The following CXCR2 variants were observed in gnomAD, a reference collection of about 807,000 sequenced individuals.
The protein encoded by CXCR2 is C-X-C motif chemokine receptor 2.
Under a neutral mutation model 3.7 loss-of-function variants are expected in CXCR2, and 2 were observed. The ratio of observed to expected loss-of-function variants is 0.55; its 90% CI spans 0.22 to 1.72. The LOEUF is 1.72. Among genes scored for constraint, CXCR2 ranks in the 40% most tolerant of loss-of-function variants. The pLI, the probability that CXCR2 is intolerant of heterozygous loss-of-function variation, is 0.19. For synonymous variants in CXCR2, 203 were observed against 193.3 expected, an observed-to-expected ratio of 1.05 and a Z score of -0.41; for missense variants, 351 against 450.1, an observed-to-expected ratio of 0.78 and a Z score of 1.99.
intron 2 of CXCR2, among the ~76,000 whole-genome samples, chr2:218,133,518 T>C (rs1330893705): frequency 6.6e-6 from 1 of 152,052 alleles, no homozygotes; most frequent in Non-Finnish European, 1.5e-5. Flanking sequence ...CAGGCTGCTC[T>C]CAAACTCCTG....
At chr2:218,128,214 T>C (rs1388539704) in intron 1 of CXCR2, among the ~76,000 whole-genome samples, 2 of 152,206 alleles carry the variant, frequency 1.3e-5, no homozygotes, top group Non-Finnish European at 2.9e-5. Flanking sequence ...TCTCTCCATA[T>C]GTAATAAGCC....
chr2:218,133,353 G>A (rs1690697801), intron 2 of CXCR2, among the ~76,000 whole-genome samples: 1 of 142,508 alleles, frequency 7.0e-6, no homozygotes. Context: ...AGGCTGGAGT[G>A]CAGTGATGTG....
chr2:218,127,402 C>G (rs1690537479), intron 1 of CXCR2, among the ~76,000 whole-genome samples: 1 of 152,216 alleles, frequency 6.6e-6, no homozygotes, highest in African/African-American at 2.4e-5. Context: ...GCTGGGATTA[C>G]AGGCATGAGC....
intron 2 of CXCR2, among the ~76,000 whole-genome samples, chr2:218,130,681 G>A (rs77958265): frequency 6.6e-6 from 1 of 152,292 alleles, no homozygotes; most frequent in East Asian, 1.9e-4. Flanking sequence ...AATGAGCCAT[G>A]GAGATCATGT....
intron 1 of CXCR2, among the ~76,000 whole-genome samples, chr2:218,127,140 T>C (rs534982922): frequency 6.6e-6 from 1 of 152,308 alleles, no homozygotes; most frequent in South Asian, 2.1e-4. Context: ...GTTTTGTTTT[T>C]GTTTGAGACA....
rs1334969477 is a variant in CXCR2, at chr2:218,136,645, G to A, written c.*761G>A. 6.0e-6 allele frequency: 1 copy of A among 166,962 alleles called. No homozygotes were observed. Among genetic ancestry groups the A allele is most frequent in the East Asian group, 1.9e-4 (1 of 5,198 alleles). 10.3% of individuals were successfully genotyped at this position (166,962 alleles called of 1,614,324 possible). ...CCATATTTGTACACCAATATTCATAGCAGCTTATTCACAAGACCCAAAAGG... is the reference window on the plus strand; with the variant it reads ...CCATATTTGTACACCAATATTCATAACAGCTTATTCACAAGACCCAAAAGG... On this transcript the variant is annotated 3_prime_UTR_variant, in exon 3 of 3. Coordinates refer to ENST00000318507, the MANE Select transcript of CXCR2 (RefSeq NM_001557.4).
rs375690914 is a variant in CXCR2 at position 218,135,257 on chromosome 2, A to G, written c.456A>G (p.Thr152=). ...VDRYLAIVHA[T]RTLTQKRYLV... The stretch of plus-strand genomic sequence containing the variant: ...GTTACCTGGCCATTGTCCATGCCAC[A>G]CGCACACTGACCCAGAAGCGCTACT... Residue 152 remains threonine (T), a synonymous_variant, in exon 3 of 3, where the codon ACA becomes ACG. Coordinates refer to ENST00000318507, the MANE Select transcript of CXCR2 (RefSeq NM_001557.4). The surrounding 1 kb of genome is among the most constrained non-coding windows in gnomAD (Gnocchi z 4.0). The G allele has an allele frequency of 3.1e-6, 5 of 1,614,066 alleles. No homozygotes were observed. Among genetic ancestry groups the G allele is most frequent in the Non-Finnish European group, 4.2e-6 (5 of 1,180,034 alleles).
upstream of CXCR2, chr2:218,125,377 TCA>T (rs1475332205): frequency 6.6e-6 from 1 of 152,204 alleles, no homozygotes; most frequent in Non-Finnish European, 1.5e-5. Context: ...TTTGCCTGTC[TCA>T]CAGAGTAGGC....
At position 218,135,332 on chromosome 2, in the gene CXCR2, C is replaced by A. The variant is rs201960181; in HGVS notation, c.531C>A (p.Ala177=). Residue 177 remains alanine, a synonymous_variant, in exon 3 of 3, where the codon GCC becomes GCA. Transcript: ENST00000318507. The surrounding 1 kb of genome is among the most constrained non-coding windows in gnomAD (Gnocchi z 4.0). ...LSIWGLSLLL[A]LPVLLFRRTV... is the part of the protein sequence containing the mutation. ...TCTGGGGTCTGTCCTTGCTCCTGGCCCTGCCTGTCTTACTTTTCCGAAGGA... is the reference window on the plus strand; with the variant it reads ...TCTGGGGTCTGTCCTTGCTCCTGGCACTGCCTGTCTTACTTTTCCGAAGGA... 6 of 1,614,126 alleles carry A rather than the reference C, an allele frequency of 3.7e-6. No homozygotes were observed. Among genetic ancestry groups the A allele is most frequent in the Non-Finnish European group, 5.1e-6 (6 of 1,180,036 alleles).
At chr2:218,133,992 A>G (rs1257405325) in intron 2 of CXCR2, among the ~76,000 whole-genome samples, 1 of 152,256 alleles carries the variant, frequency 6.6e-6, no homozygotes, top group African/African-American at 2.4e-5. Flanking sequence ...CTACACAGAC[A>G]TTCCCAAAGC....
At position 218,136,065 on chromosome 2, in the gene CXCR2, T is replaced by C; in HGVS notation, c.*181T>C. On this transcript the variant is annotated 3_prime_UTR_variant, in exon 3 of 3. Coordinates refer to ENST00000318507, the MANE Select transcript of CXCR2 (RefSeq NM_001557.4). ...CTTGCATGGTTTAGAAAGCTTGCCC[T>C]GGTGCCTCACCCCTTGCCATAATTA... The C allele has an allele frequency of 1.3e-6, 1 of 771,914 alleles. No individual in the cohort carries two copies. The highest frequency in any genetic ancestry group is 2.1e-6 in the Non-Finnish European group (1 of 481,498). The allele number at this position is 771,914 out of a possible 1,614,324, so 47.8% of individuals were successfully genotyped here.
At chr2:218,127,179 T>G (rs1258547841) in intron 1 of CXCR2, among the ~76,000 whole-genome samples, 2 of 152,204 alleles carry the variant, frequency 1.3e-5, no homozygotes, top group African/African-American at 4.8e-5. Context: ...CAGGCTGGAA[T>G]GCAATGGCAC....
intron 1 of CXCR2, among the ~76,000 whole-genome samples, chr2:218,128,986 A>G (rs1327055737): frequency 6.6e-6 from 1 of 152,244 alleles, no homozygotes; most frequent in Admixed American, 6.5e-5. Flanking sequence ...GGAGACTCAG[A>G]CAAGGCAGCT....
intron 1 of CXCR2, among the ~76,000 whole-genome samples, chr2:218,127,024 A>G (rs1047442113): frequency 3.9e-5 from 6 of 152,126 alleles, no homozygotes; most frequent in Admixed American, 3.3e-4. Flanking sequence ...GCTAGTAGCT[A>G]GCATGCTGAA....
At chr2:218,128,574 A>G (rs1690564271) in intron 1 of CXCR2, among the ~76,000 whole-genome samples, 1 of 152,248 alleles carries the variant, frequency 6.6e-6, no homozygotes, top group Admixed American at 6.5e-5. Flanking sequence ...GGGTCACTTA[A>G]CATTGTTTTT....
intron 1 of CXCR2, among the ~76,000 whole-genome samples, chr2:218,128,207 C>T (rs17844678): frequency 5.4e-4 from 82 of 152,352 alleles, no homozygotes; most frequent in African/African-American, 1.9e-3. Flanking sequence ...ATCTGCCTCT[C>T]TCCATATGTA....
chr2:218,135,764 T>G lies in CXCR2; in HGVS notation c.963T>G (p.Phe321Leu), dbSNP rs1690781887. 6.2e-7 allele frequency: 1 copy of G among 1,614,116 alleles called. No individual in the cohort carries two copies. The highest frequency in any genetic ancestry group is 1.3e-5 in the African/African-American group (1 of 75,038). Residue 321 changes from phenylalanine to leucine, a missense_variant, in exon 3 of 3, where the codon TTT (phenylalanine) becomes TTG (leucine). Transcript: ENST00000318507. The surrounding 1 kb of genome is among the most constrained non-coding windows in gnomAD (Gnocchi z 4.0). ...TCTACGCCTTCATTGGCCAGAAGTTTCGCCATGGACTCCTCAAGATTCTAG... is the reference window on the plus strand; with the variant it reads ...TCTACGCCTTCATTGGCCAGAAGTTGCGCCATGGACTCCTCAAGATTCTAG... The part of the protein sequence containing the change: ...PLIYAFIGQK[F>L]RHGLLKILAI...
At chr2:218,127,355 G>A (rs1690536212) in intron 1 of CXCR2, among the ~76,000 whole-genome samples, 1 of 152,032 alleles carries the variant, frequency 6.6e-6, no homozygotes. Flanking sequence ...TGTAACTCCT[G>A]GCCTCGAGTG....
At chr2:218,130,877 A>G (rs1010975007) in intron 2 of CXCR2, 4 of 152,424 alleles carry the variant, frequency 2.6e-5, no homozygotes, top group African/African-American at 7.2e-5. Context: ...TGAGTTCTCT[A>G]CCTTCTGTCC....
Sources: gnomAD v4.1 joint callset for allele counts (sites outside exome capture counted in the v4.1 genomes callset) on GRCh38, gnomAD v4.1.1 for gene constraint, Gnocchi (gnomAD v3.1) non-coding constraint, MANE v1.5 for transcripts, NCBI Gene and HGNC (gene_info 2026-07-23, HGNC 2026-07-21) for gene names.